The following SPRING1 variants were observed in gnomAD, a reference collection of about 807,000 sequenced individuals.
The protein encoded by SPRING1 is SREBP regulating gene protein.
Under a neutral mutation model 24.7 loss-of-function variants are expected in SPRING1, and 14 were observed. That is an observed-to-expected ratio of 0.57 (90% CI 0.37 to 0.88). The LOEUF (loss-of-function observed/expected upper bound fraction) is 0.88. SPRING1 is among the 40% of genes least tolerant of loss of function. The pLI is 0.00. For missense variants in SPRING1, 255 were observed against 268.4 expected (o/e 0.95, Z 0.35); for synonymous variants, 93 against 106.1 (o/e 0.88, Z 0.76).
chr12:116,737,470 G>C (rs1871292987), intron 1 of SPRING1, among the ~76,000 whole-genome samples: 1 of 147,066 alleles, frequency 6.8e-6, no homozygotes, highest in South Asian at 2.2e-4. Flanking sequence ...GGAAGGGAGA[G>C]GAAAAAGGGG....
At chr12:116,731,038 C>T (rs1035270897) in intron 1 of SPRING1, among the ~76,000 whole-genome samples, 1 of 152,216 alleles carries the variant, frequency 6.6e-6, no homozygotes, top group Non-Finnish European at 1.5e-5. Context: ...AAAGCTCTTC[C>T]TCAAGACACC....
chr12:116,711,502 T>G lies in SPRING1; in HGVS notation c.*6308A>C, dbSNP rs1289502872. On this transcript the variant is annotated 3_prime_UTR_variant, in exon 5 of 5. Transcript: ENST00000261318. ...GCGAGCCCAGATCGTGCCACTGCAC[T>G]CCAGCCTGGGCGATGGAACGAGAAT... is the stretch of plus-strand genomic sequence containing the variant. The G allele has an allele frequency of 6.6e-6, 1 of 151,706 alleles. No individual in the cohort carries two copies. The highest frequency in any genetic ancestry group is 1.5e-5 in the Non-Finnish European group (1 of 67,994). The allele number at this position is 151,706 out of a possible 1,614,324, so 9.4% of individuals were successfully genotyped here.
In SPRING1 at chr12:116,711,695, G is replaced by C. The variant is rs1869878871; in HGVS notation, c.*6115C>G. 1 of 152,348 alleles carries C rather than the reference G, an allele frequency of 6.6e-6. No homozygotes were observed. Among genetic ancestry groups the C allele is most frequent in the Non-Finnish European group, 1.5e-5 (1 of 68,204 alleles). The allele number at this position is 152,348 out of a possible 1,614,324, so 9.4% of individuals were successfully genotyped here. A position where few individuals can be genotyped will look rare whatever the true frequency, so the allele number is the denominator to read the frequency against. Reference sequence around the variant, plus strand: ...ACTGGCGCAATGACGGCTCACTGCAGCCTTGACCTCCTGGACTCAAGCCAT... The same window carrying C: ...ACTGGCGCAATGACGGCTCACTGCACCCTTGACCTCCTGGACTCAAGCCAT... On this transcript the variant is annotated 3_prime_UTR_variant, in exon 5 of 5. Transcript: ENST00000261318.
rs1167490103 is a variant in SPRING1 at position 116,714,168 on chromosome 12, A to T, written c.*3642T>A. 6.6e-6 allele frequency: 1 copy of T among 152,238 alleles called. No homozygotes were observed. Among genetic ancestry groups the T allele is most frequent in the Admixed American group, 6.5e-5 (1 of 15,276 alleles). 9.4% of individuals were successfully genotyped at this position (152,238 alleles called of 1,614,324 possible). A position where few individuals can be genotyped will look rare whatever the true frequency, so the allele number is the denominator to read the frequency against. ...ATTTCACAGATGAAGGGCCTGAGCC[A>T]CAGAGGAGGAAGACTGCCTCAGCCA... On this transcript the variant is annotated 3_prime_UTR_variant, in exon 5 of 5. Coordinates refer to ENST00000261318, the MANE Select transcript of SPRING1 (RefSeq NM_024738.4).
chr12:116,724,442 G>T (rs1318696056), intron 1 of SPRING1, among the ~76,000 whole-genome samples: 4 of 152,180 alleles, frequency 2.6e-5, no homozygotes, highest in Non-Finnish European at 5.9e-5. Flanking sequence ...CCTGCCGGGT[G>T]TGGTGGCTCA....
In SPRING1 at chr12:116,717,729, C is replaced by T. The variant is rs928743561; in HGVS notation, c.*81G>A. 10 of 1,267,608 alleles carry T rather than the reference C, an allele frequency of 7.9e-6. No homozygotes were observed. The highest frequency in any genetic ancestry group is 2.7e-5 in the South Asian group (2 of 75,062). The allele number at this position is 1,267,608 out of a possible 1,614,324, so 78.5% of individuals were successfully genotyped here. ...TTTGTCTTCTTCCTGCAGCCTGGCC[C>T]GATGGCTGAAGCTGGGTCCCAGGAG... On this transcript the variant is annotated 3_prime_UTR_variant, in exon 5 of 5. Coordinates refer to ENST00000261318, the MANE Select transcript of SPRING1 (RefSeq NM_024738.4). The surrounding 1 kb of genome is among the most constrained non-coding windows in gnomAD (Gnocchi z 4.2).
At chr12:116,726,945 G>A (rs1045218385) in intron 1 of SPRING1, among the ~76,000 whole-genome samples, 12 of 152,162 alleles carry the variant, frequency 7.9e-5, no homozygotes, top group Non-Finnish European at 1.5e-4. Context: ...ACTTCAATGC[G>A]TTTCCAAACA....
At chr12:116,721,528 G>A (rs1423861692) in intron 2 of SPRING1, among the ~76,000 whole-genome samples, 3 of 152,326 alleles carry the variant, frequency 2.0e-5, no homozygotes, top group South Asian at 4.1e-4. Flanking sequence ...CTTAAGACTT[G>A]GGCAAATGAG....
chr12:116,736,036 C>A (rs1319894204), intron 1 of SPRING1, among the ~76,000 whole-genome samples: 73 of 26,238 alleles, frequency 2.8e-3, no homozygotes, highest in Non-Finnish European at 3.9e-3. Context: ...AAAACTCAGT[C>A]TTTAAAAAAA....
At chr12:116,729,934 C>T (rs1277402013) in intron 1 of SPRING1, among the ~76,000 whole-genome samples, 3 of 152,194 alleles carry the variant, frequency 2.0e-5, no homozygotes, top group Non-Finnish European at 4.4e-5. Context: ...GAGTCTCGCT[C>T]TGTCGCCCAG....
intron 1 of SPRING1, among the ~76,000 whole-genome samples, chr12:116,737,476 A>G (rs2137051527): frequency 6.9e-6 from 1 of 145,120 alleles, no homozygotes. Flanking sequence ...GAGAGGAAAA[A>G]GGGGAGGAAA....
intron 1 of SPRING1, among the ~76,000 whole-genome samples, chr12:116,736,566 A>G (rs1378309807): frequency 6.6e-6 from 1 of 152,142 alleles, no homozygotes; most frequent in Admixed American, 6.5e-5. Flanking sequence ...TCAATGTTCT[A>G]TTCACTTATA....
At position 116,720,426 on chromosome 12, in the gene SPRING1, T is replaced by C; in HGVS notation, c.290A>G (p.Asp97Gly). ...DELGYVCERK[D>G]LLVNGCCNVN... ...ATTACAGCAGCCATTTACCAGCAAA[T>C]CCTTCCTCTCGCAAACGTAGCCTGA... Residue 97 changes from aspartate (D) to glycine (G), a missense_variant, in exon 3 of 5, where the codon GAT (aspartate) becomes GGT (glycine). Physicochemically the swap from Asp to Gly is moderately conservative, Grantham distance 94. Transcript: ENST00000261318. The surrounding 1 kb of genome is among the most constrained non-coding windows in gnomAD (Gnocchi z 4.0). The C allele has an allele frequency of 6.2e-7, 1 of 1,614,078 alleles. No homozygotes were observed. Among genetic ancestry groups the C allele is most frequent in the Non-Finnish European group, 8.5e-7 (1 of 1,180,002 alleles).
rs1870827123 is a variant in SPRING1, at chr12:116,728,733, AC to A, written c.112-5511del. 6.6e-6 allele frequency among the ~76,000 whole-genome samples: 1 copy of A among 151,962 alleles called. No individual in the cohort carries two copies. Among genetic ancestry groups the A allele is most frequent in the Admixed American group, 6.6e-5 (1 of 15,264 alleles). ...ACCCTGGACCCGTACACTCCATCTC[AC>A]CATCTCCATTTTACAGAGGAAGAAC... On this transcript the variant is annotated intron_variant, in intron 1 of 4. Transcript: ENST00000261318. This position sits in a 1 kb window ranked among gnomAD's most constrained non-coding sequence, Gnocchi z 4.2.
At chr12:116,732,204 T>G (rs1871008784) in intron 1 of SPRING1, among the ~76,000 whole-genome samples, 2 of 152,226 alleles carry the variant, frequency 1.3e-5, no homozygotes, top group South Asian at 4.1e-4. Context: ...ATAGACCCAG[T>G]GCTGACAAGT....
rs1160317642 is a variant in SPRING1, at chr12:116,720,277, C to T, written c.420+19G>A. On this transcript the variant is annotated intron_variant, in intron 3 of 4. Coordinates refer to ENST00000261318, the MANE Select transcript of SPRING1 (RefSeq NM_024738.4). This position sits in a 1 kb window ranked among gnomAD's most constrained non-coding sequence, Gnocchi z 4.0. ...CGAAAGAAAAAAGGAGCCGCAGAAC[C>T]AGGATCAACTCCCCATACCTTGTTG... is the stretch of plus-strand genomic sequence containing the variant. The T allele has an allele frequency of 8.8e-6, 14 of 1,582,338 alleles. No individual in the cohort carries two copies. The highest frequency in any genetic ancestry group is 1.1e-5 in the Non-Finnish European group (13 of 1,169,402).
At chr12:116,721,778 C>G (rs1427984325) in intron 2 of SPRING1, among the ~76,000 whole-genome samples, 1 of 152,208 alleles carries the variant, frequency 6.6e-6, no homozygotes, top group African/African-American at 2.4e-5. Flanking sequence ...CACATAGCAA[C>G]TGTATATAAT....
In SPRING1 at chr12:116,716,843, G is replaced by C. The variant is rs1439014189; in HGVS notation, c.*967C>G. 1 of 152,212 alleles carries C rather than the reference G, an allele frequency of 6.6e-6. No homozygotes were observed. Among genetic ancestry groups the C allele is most frequent in the African/African-American group, 2.4e-5 (1 of 41,440 alleles). 9.4% of individuals were successfully genotyped at this position (152,212 alleles called of 1,614,324 possible). A position where few individuals can be genotyped will look rare whatever the true frequency, so the allele number is the denominator to read the frequency against. On this transcript the variant is annotated 3_prime_UTR_variant, in exon 5 of 5. Transcript: ENST00000261318. ...AATAAACACATACAGCAAGCTACGA[G>C]GTGCGTCTGTTTAGGAATTGCCTCA...
chr12:116,737,906 C>G lies in SPRING1; in HGVS notation c.-6G>C, dbSNP rs377129932. 5 of 1,548,116 alleles carry G rather than the reference C, an allele frequency of 3.2e-6. No individual in the cohort carries two copies. The highest frequency in any genetic ancestry group is 1.9e-5 in the Admixed American group (1 of 52,412). On this transcript the variant is annotated 5_prime_UTR_variant, in exon 1 of 5. Coordinates refer to ENST00000261318, the MANE Select transcript of SPRING1 (RefSeq NM_024738.4). The stretch of plus-strand genomic sequence containing the variant: ...ATGGCCGCCAGGTTCACCATCCCGG[C>G]GCGGACGTGGGGCGCGGCGGCCGGG...
Sources: gnomAD v4.1 joint callset for allele counts (sites outside exome capture counted in the v4.1 genomes callset) on GRCh38, gnomAD v4.1.1 for gene constraint, Gnocchi (gnomAD v3.1) non-coding constraint, MANE v1.5 for transcripts, NCBI Gene and HGNC (gene_info 2026-07-23, HGNC 2026-07-21) for gene names.